ANKS1B: variants seen among roughly 807,000 people sequenced by gnomAD.
ANKS1B encodes the protein ankyrin repeat and sterile alpha motif domain containing 1B.
A neutral mutation model predicts 148.3 loss-of-function variants in ANKS1B; 36 were observed. The observed-to-expected ratio is 0.24, with a 90% CI of 0.19 to 0.32. The LOEUF (loss-of-function observed/expected upper bound fraction) is 0.32, where lower values mean the gene tolerates loss of function less well. Ranked by LOEUF, ANKS1B falls within the 10% of genes least tolerant of loss-of-function variation. The pLI is 1.00. For synonymous variants in ANKS1B, 542 were observed against 560.8 expected, an observed-to-expected ratio of 0.97 and a Z score of 0.47; for missense variants, 1,157 against 1,542.6, an observed-to-expected ratio of 0.75 and a Z score of 4.19.
At chr12:99,612,065 T>TA (rs1326928375) in intron 9 of ANKS1B, among the ~76,000 whole-genome samples, 1 of 152,030 alleles carries the variant, frequency 6.6e-6, no homozygotes, top group Non-Finnish European at 1.5e-5. Context: ...AATTGTCAGT[T>TA]AAAAAATAGC....
chr12:98,878,238 A>C (rs1596073089), intron 17 of ANKS1B, among the ~76,000 whole-genome samples: 1 of 151,848 alleles, frequency 6.6e-6, no homozygotes, highest in East Asian at 1.9e-4. Flanking sequence ...GAAAAAAAAA[A>C]AAACACCTCA....
At chr12:99,961,838 G>GA (rs2095416211) in intron 1 of ANKS1B, among the ~76,000 whole-genome samples, 1 of 152,150 alleles carries the variant, frequency 6.6e-6, no homozygotes, top group Non-Finnish European at 1.5e-5. Flanking sequence ...TTCTGCTGAT[G>GA]AATGTCACAA....
chr12:99,472,382 G>A (rs761493753), intron 10 of ANKS1B, among the ~76,000 whole-genome samples: 2 of 152,078 alleles, frequency 1.3e-5, no homozygotes, highest in Admixed American at 6.6e-5. Flanking sequence ...CCTACAGAGC[G>A]TGAGCTCCTT....
chr12:99,393,190 A>T lies in ANKS1B; in HGVS notation c.1756+6441T>A, dbSNP rs1008568948. On this transcript the variant is annotated intron_variant, in intron 12 of 26. Transcript: ENST00000683438. ...CTACCACTCCTCACCACCTCTATTT[A>T]AAAAAAACTGTTACCCGAGGAAAGA... 1.1e-4 allele frequency among the ~76,000 whole-genome samples: 16 copies of T among 152,014 alleles called. No homozygotes were observed. In the East Asian group the frequency reaches 2.3e-3, roughly 22 times the overall value.
chr12:99,431,489 T>C (rs1289346044), intron 11 of ANKS1B, among the ~76,000 whole-genome samples: 1 of 152,226 alleles, frequency 6.6e-6, no homozygotes, highest in Non-Finnish European at 1.5e-5. Flanking sequence ...AAATTAAGTT[T>C]TGTGCATCAC....
intron 9 of ANKS1B, among the ~76,000 whole-genome samples, chr12:99,602,488 G>A (rs537698278): frequency 1.4e-4 from 21 of 152,116 alleles, no homozygotes; most frequent in Middle Eastern, 3.4e-3. Context: ...GAGTCCAGAG[G>A]GTATCCAATT....
chr12:99,274,190 G>T (rs1281002077), intron 12 of ANKS1B, among the ~76,000 whole-genome samples: 2 of 152,118 alleles, frequency 1.3e-5, no homozygotes, highest in Non-Finnish European at 2.9e-5. Context: ...TTCCCTGATA[G>T]CGCTCTGGAT....
chr12:99,341,868 T>G (rs2089976320), intron 12 of ANKS1B, among the ~76,000 whole-genome samples: 1 of 152,120 alleles, frequency 6.6e-6, no homozygotes, highest in Admixed American at 6.6e-5. Context: ...CTGATCAACA[T>G]TCACCTTTTA....
intron 9 of ANKS1B, among the ~76,000 whole-genome samples, chr12:99,531,370 C>A (rs1044425441): frequency 2.0e-5 from 3 of 152,056 alleles, no homozygotes; most frequent in South Asian, 2.1e-4. Flanking sequence ...CCAACTCTCC[C>A]CCCTTCTGAG....
chr12:99,711,643 T>C (rs985436517), intron 8 of ANKS1B, among the ~76,000 whole-genome samples: 1 of 152,010 alleles, frequency 6.6e-6, no homozygotes. Context: ...AAAACCACAA[T>C]GAGATACCAT....
intron 11 of ANKS1B, among the ~76,000 whole-genome samples, chr12:99,426,792 G>A (rs2095263278): frequency 6.6e-6 from 1 of 152,084 alleles, no homozygotes; most frequent in East Asian, 1.9e-4. Flanking sequence ...ATTATATCTA[G>A]AGGGTATCTA....
intron 17 of ANKS1B, among the ~76,000 whole-genome samples, chr12:98,965,682 G>A (rs113646455): frequency 0.11 from 16,055 of 152,054 alleles, 2,283 homozygotes; most frequent in African/African-American, 0.32. Context: ...ACAGCATGGT[G>A]CTGGTACCAA....
intron 12 of ANKS1B, among the ~76,000 whole-genome samples, chr12:99,365,999 A>C (rs2092744799): frequency 6.6e-6 from 1 of 152,266 alleles, no homozygotes; most frequent in African/African-American, 2.4e-5. Context: ...CCTTGGACTA[A>C]GAAAATCAGC....
At chr12:99,637,805 T>A (rs2098254832) in intron 9 of ANKS1B, among the ~76,000 whole-genome samples, 1 of 147,134 alleles carries the variant, frequency 6.8e-6, no homozygotes, top group Non-Finnish European at 1.5e-5. Flanking sequence ...ATATATATAA[T>A]ATATATATAA....
chr12:98,876,046 G>C (rs1316655824), intron 17 of ANKS1B, among the ~76,000 whole-genome samples: 1 of 152,148 alleles, frequency 6.6e-6, no homozygotes, highest in Non-Finnish European at 1.5e-5. Flanking sequence ...GTACAACTTA[G>C]CAGAGCATGA....
At chr12:99,875,392 A>C (rs1032006735) in intron 1 of ANKS1B, among the ~76,000 whole-genome samples, 5 of 152,088 alleles carry the variant, frequency 3.3e-5, no homozygotes, top group African/African-American at 1.2e-4. Context: ...AGAGTGCTTT[A>C]TCAAGCCACA....
chr12:99,965,003 A>AT (rs1299128443), intron 1 of ANKS1B, among the ~76,000 whole-genome samples: 1 of 152,222 alleles, frequency 6.6e-6, no homozygotes, highest in African/African-American at 2.4e-5. Context: ...ATAAACTCAT[A>AT]TTTTTAATAA....
intron 9 of ANKS1B, among the ~76,000 whole-genome samples, chr12:99,506,011 G>A (rs907176235): frequency 3.3e-5 from 5 of 151,996 alleles, no homozygotes; most frequent in African/African-American, 1.2e-4. Flanking sequence ...GTGGCTGACT[G>A]GGAGTTGTGG....
chr12:99,929,428 T>C (rs1454102915), intron 1 of ANKS1B, among the ~76,000 whole-genome samples: 1 of 152,188 alleles, frequency 6.6e-6, no homozygotes, highest in East Asian at 1.9e-4. Flanking sequence ...TTGCAAAAAT[T>C]TTCTCCCATT....
Sources: allele counts gnomAD v4.1 joint callset (sites outside exome capture counted in the v4.1 genomes callset), GRCh38; gene constraint gnomAD v4.1.1; transcripts MANE v1.5; gene names NCBI Gene and HGNC (gene_info 2026-07-23, HGNC 2026-07-21).